The following ADAMTS18 variants were observed in gnomAD, a reference collection of about 807,000 sequenced individuals.
The protein encoded by ADAMTS18 is ADAM metallopeptidase with thrombospondin type 1 motif 18.
ADAMTS18 carries 157 observed loss-of-function variants against 165.9 expected under a neutral mutation model. The ratio of observed to expected loss-of-function variants is 0.95; its 90% confidence interval spans 0.83 to 1.08. The LOEUF is 1.08. ADAMTS18 is among the 50% of genes least tolerant of loss of function. ADAMTS18 has a pLI of 0.00. For missense variants in ADAMTS18, 2,040 were observed against 1,534.0 expected, an observed-to-expected ratio of 1.33 and a Z score of -5.51; for synonymous variants, 782 against 578.2, an observed-to-expected ratio of 1.35 and a Z score of -5.06.
chr16:77,396,682 G>C (rs527919741), intron 3 of ADAMTS18, among the ~76,000 whole-genome samples: 1 of 152,328 alleles, frequency 6.6e-6, no homozygotes, highest in Non-Finnish European at 1.5e-5. Context: ...GTAAGATATG[G>C]AGATTGTTTT....
At chr16:77,314,584 C>G (rs112052144) in intron 16 of ADAMTS18, among the ~76,000 whole-genome samples, 21 of 141,750 alleles carry the variant, frequency 1.5e-4, no homozygotes, top group African/African-American at 5.0e-4. Context: ...TGCACTCCAG[C>G]CTGGGCAACA....
In ADAMTS18 at chr16:77,353,828, G is replaced by C. The variant is rs147429761; in HGVS notation, c.1519C>G (p.Pro507Ala). 11 of 1,614,088 alleles carry C rather than the reference G, an allele frequency of 6.8e-6. No individual in the cohort carries two copies. The East Asian group carries it at 2.0e-4, about 29-fold the overall frequency. ...TAAATCTGTCCTGGTAGTTTGTCCGGATATTTATACTGTCCTGCTTGCTTG... is the reference window on the plus strand; with the variant it reads ...TAAATCTGTCCTGGTAGTTTGTCCGCATATTTATACTGTCCTGCTTGCTTG... ...EPKQAGQYKYPDKLPGQIYDA... is the reference protein window; with the variant it reads ...EPKQAGQYKYADKLPGQIYDA... Residue 507 changes from proline to alanine, a missense_variant, in exon 10 of 23, where the codon CCG becomes GCG. Coordinates refer to ENST00000282849, the MANE Select transcript of ADAMTS18 (RefSeq NM_199355.4).
intron 3 of ADAMTS18, among the ~76,000 whole-genome samples, chr16:77,390,903 G>GCAGC (rs1416420654): frequency 6.6e-6 from 1 of 152,136 alleles, no homozygotes; most frequent in African/African-American, 2.4e-5. Context: ...CACGTGGTTG[G>GCAGC]CAGCTACCAT....
rs570074897 is a variant in ADAMTS18, at chr16:77,340,734, C to A, written c.1710+970G>T. 4.6e-5 allele frequency among the ~76,000 whole-genome samples: 7 copies of A among 152,132 alleles called. No homozygotes were observed. The East Asian group carries it at 1.2e-3, about 25-fold the overall frequency. Reference sequence around the variant, plus strand: ...GTGCTGGGACTACAGGCACGCACCACCAAGCCTGTTTAAGCTTTTGTAGAG... The same window carrying A: ...GTGCTGGGACTACAGGCACGCACCAACAAGCCTGTTTAAGCTTTTGTAGAG... On this transcript the variant is annotated intron_variant, in intron 11 of 22. Transcript: ENST00000282849.
chr16:77,379,927 T>C (rs996727359), intron 3 of ADAMTS18, among the ~76,000 whole-genome samples: 1 of 152,202 alleles, frequency 6.6e-6, no homozygotes, highest in East Asian at 1.9e-4. Flanking sequence ...GCAAAGTTGA[T>C]TTGTCCAAGT....
intron 10 of ADAMTS18, among the ~76,000 whole-genome samples, chr16:77,348,616 G>C (rs1000382114): frequency 2.6e-5 from 4 of 152,220 alleles, no homozygotes; most frequent in African/African-American, 7.2e-5. Context: ...CTTTATGGAA[G>C]TGGGAGTGCT....
chr16:77,360,170 G>A (rs547728949), intron 7 of ADAMTS18, among the ~76,000 whole-genome samples: 7 of 152,272 alleles, frequency 4.6e-5, no homozygotes, highest in East Asian at 3.9e-4. Flanking sequence ...TTGTCAAGAC[G>A]GAAGTGAGAT....
chr16:77,375,316 T>C (rs1054375495), intron 3 of ADAMTS18, among the ~76,000 whole-genome samples: 2 of 151,870 alleles, frequency 1.3e-5, no homozygotes, highest in Non-Finnish European at 2.9e-5. Context: ...AAACCCGTCT[T>C]TACCAAAAAT....
At chr16:77,359,454 C>G (rs1451212388) in intron 7 of ADAMTS18, 31 bp from the exon 8 acceptor site, 5 of 1,575,186 alleles carry the variant, frequency 3.2e-6, no homozygotes, top group African/African-American at 1.4e-5. Context: ...AATGTGAATC[C>G]AAAGGTTGCA....
At chr16:77,364,050 G>C in intron 5 of ADAMTS18, 138 bp downstream of exon 5, 1 of 1,287,850 alleles carries the variant, frequency 7.8e-7, no homozygotes, top group Admixed American at 1.8e-5. Context: ...AACCACATAT[G>C]TAGCTATTAA....
intron 3 of ADAMTS18, among the ~76,000 whole-genome samples, chr16:77,402,814 G>T (rs1239328272): frequency 6.6e-6 from 1 of 152,060 alleles, no homozygotes; most frequent in Non-Finnish European, 1.5e-5. Flanking sequence ...TTTTTAAAAG[G>T]TACCTGGCTC....
intron 3 of ADAMTS18, among the ~76,000 whole-genome samples, chr16:77,379,494 T>G (rs545503664): frequency 6.6e-6 from 1 of 152,248 alleles, no homozygotes; most frequent in South Asian, 2.1e-4. Flanking sequence ...TATTTTTATT[T>G]TATTTATTTT....
intron 11 of ADAMTS18, among the ~76,000 whole-genome samples, chr16:77,338,102 C>G (rs1446880366): frequency 6.6e-6 from 1 of 152,098 alleles, no homozygotes; most frequent in Non-Finnish European, 1.5e-5. Context: ...CAGGGTTTCA[C>G]CACGTTGGCC....
chr16:77,391,508 A>G (rs962894400), intron 3 of ADAMTS18, among the ~76,000 whole-genome samples: 29 of 151,466 alleles, frequency 1.9e-4, no homozygotes, highest in African/African-American at 6.8e-4. Flanking sequence ...AAAAAAAACA[A>G]GAGGCTTGGG....
At chr16:77,394,288 C>T (rs999337124) in intron 3 of ADAMTS18, among the ~76,000 whole-genome samples, 4 of 152,132 alleles carry the variant, frequency 2.6e-5, no homozygotes, top group African/African-American at 7.2e-5. Flanking sequence ...GGTCATAGAA[C>T]AGGTAAGAAA....
chr16:77,402,064 G>A lies in ADAMTS18; in HGVS notation c.495+29231C>T, dbSNP rs571504248. ...ATTGTGGAAATTTTCAGCTTCCATA[G>A]TGGCACGAGCCAATCCCTATAATAA... On this transcript the variant is annotated intron_variant, in intron 3 of 22. Coordinates refer to ENST00000282849, the MANE Select transcript of ADAMTS18 (RefSeq NM_199355.4). Among the ~76,000 whole-genome samples the A allele has an allele frequency of 1.9e-3, 290 of 152,256 alleles. 5 individuals are homozygous for A. The highest frequency in any genetic ancestry group is 0.014 in the Middle Eastern group (4 of 294).
chr16:77,422,572 G>A (rs935795216), intron 3 of ADAMTS18, among the ~76,000 whole-genome samples: 21 of 149,998 alleles, frequency 1.4e-4, no homozygotes, highest in Non-Finnish European at 2.1e-4. Context: ...GAGGGAGAAA[G>A]AAAGGAAGGA....
intron 3 of ADAMTS18, among the ~76,000 whole-genome samples, chr16:77,391,425 A>C (rs559876483): frequency 3.3e-5 from 5 of 151,860 alleles, no homozygotes; most frequent in African/African-American, 1.2e-4. Flanking sequence ...TGGGAGGTGG[A>C]AGTTGCAGTT....
intron 3 of ADAMTS18, among the ~76,000 whole-genome samples, chr16:77,409,573 C>G (rs975054687): frequency 1.6e-4 from 24 of 152,286 alleles, no homozygotes; most frequent in African/African-American, 5.3e-4. Flanking sequence ...ATCCTGAGAT[C>G]AAAAACCATG....
Sources: gnomAD v4.1 joint callset for allele counts (sites outside exome capture counted in the v4.1 genomes callset) on GRCh38, gnomAD v4.1.1 for gene constraint, MANE v1.5 for transcripts, NCBI Gene and HGNC (gene_info 2026-07-23, HGNC 2026-07-21) for gene names.